STK4: variants seen among roughly 807,000 people sequenced by gnomAD.
The protein encoded by STK4 is serine/threonine-protein kinase 4.
A neutral mutation model predicts 64.9 loss-of-function variants in STK4; 30 were observed. The ratio of observed to expected loss-of-function variants is 0.46; its 90% CI spans 0.35 to 0.63. STK4 has a LOEUF of 0.63. Among genes scored for constraint, STK4 ranks in the 20% least tolerant of loss-of-function variants. The pLI, the probability that STK4 is intolerant of heterozygous loss-of-function variation, is 0.01. For synonymous variants in STK4, 177 were observed against 199.0 expected (o/e 0.89, Z 0.93); for missense variants, 466 against 598.5 (o/e 0.78, Z 2.31).
At chr20:45,035,058 TTA>T (rs1270666312) in intron 10 of STK4, among the ~76,000 whole-genome samples, 1 of 152,122 alleles carries the variant, frequency 6.6e-6, no homozygotes, top group Non-Finnish European at 1.5e-5. Context: ...ATAGTTTACA[TTA>T]TATATGAGTG....
At position 44,978,427 on chromosome 20, in the gene STK4, TCTC is replaced by T. The variant is rs763949443; in HGVS notation, c.117-14_117-12del. 2 of 1,598,968 alleles carry T rather than the reference TCTC, an allele frequency of 1.3e-6. No individual in the cohort carries two copies. The highest frequency in any genetic ancestry group is 4.5e-5 in the East Asian group (2 of 44,652). Reference sequence around the variant, plus strand: ...GCTTTGACTTTATAAATGTTCTTCTTCTCCCAAATGTATAGGTCCTATGGCAGC... The same window carrying T: ...GCTTTGACTTTATAAATGTTCTTCTTCCAAATGTATAGGTCCTATGGCAGC... On this transcript the variant is annotated splice_polypyrimidine_tract_variant and intron_variant, in intron 2 of 10. Coordinates refer to ENST00000372806, the MANE Select transcript of STK4 (RefSeq NM_006282.5).
intron 1 of STK4, among the ~76,000 whole-genome samples, chr20:44,970,362 T>C (rs2067222331): frequency 1.3e-5 from 2 of 152,190 alleles, no homozygotes; most frequent in South Asian, 4.1e-4. Flanking sequence ...GACTTTTGCA[T>C]TTTGTAAACC....
intron 1 of STK4, among the ~76,000 whole-genome samples, chr20:44,971,830 C>T (rs1238229640): frequency 6.6e-6 from 1 of 151,640 alleles, no homozygotes; most frequent in Non-Finnish European, 1.5e-5. Flanking sequence ...GTTACCACGC[C>T]CAGCTAATTT....
At chr20:45,025,816 T>A (rs1180061948) in intron 10 of STK4, among the ~76,000 whole-genome samples, 1 of 152,210 alleles carries the variant, frequency 6.6e-6, no homozygotes, top group Non-Finnish European at 1.5e-5. Flanking sequence ...TGATCCTCCA[T>A]CTGTCATAAT....
intron 2 of STK4, among the ~76,000 whole-genome samples, chr20:44,977,972 GT>G (rs1480235634): frequency 6.6e-6 from 1 of 152,214 alleles, no homozygotes; most frequent in African/African-American, 2.4e-5. Context: ...CGTAAGCTTT[GT>G]TTTCAGACAC....
intron 10 of STK4, among the ~76,000 whole-genome samples, chr20:45,029,410 C>T (rs1349643298): frequency 2.0e-5 from 3 of 152,126 alleles, no homozygotes; most frequent in Non-Finnish European, 4.4e-5. Context: ...TCTATTTGTA[C>T]CTTCAGAATG....
At position 45,079,346 on chromosome 20, in the gene STK4, T is replaced by C. The variant is rs1980751544; in HGVS notation, c.*4170T>C. 1 of 152,252 alleles carries C rather than the reference T, an allele frequency of 6.6e-6. No individual in the cohort carries two copies. Among genetic ancestry groups the C allele is most frequent in the Non-Finnish European group, 1.5e-5 (1 of 68,048 alleles). The allele number at this position is 152,252 out of a possible 1,614,324, so 9.4% of individuals were successfully genotyped here. A position where few individuals can be genotyped will look rare whatever the true frequency, so the allele number is the denominator to read the frequency against. On this transcript the variant is annotated 3_prime_UTR_variant, in exon 11 of 11. Coordinates refer to ENST00000372806, the MANE Select transcript of STK4 (RefSeq NM_006282.5). Reference sequence around the variant, plus strand: ...TGAGGCTCAGAGAAGTAAAGTCTATTGCTCAAGGTCATGTGGCTAGAATAT... The same window carrying C: ...TGAGGCTCAGAGAAGTAAAGTCTATCGCTCAAGGTCATGTGGCTAGAATAT...
intron 9 of STK4, 101 bp downstream of exon 9, chr20:45,001,454 CTTTT>C: frequency 4.4e-6 from 6 of 1,370,546 alleles, no homozygotes; most frequent in Non-Finnish European, 5.8e-6. Context: ...TGGGTTCTTT[CTTTT>C]GTCACAACCA....
At chr20:45,029,439 T>C (rs1221910316) in intron 10 of STK4, among the ~76,000 whole-genome samples, 2 of 152,238 alleles carry the variant, frequency 1.3e-5, no homozygotes, top group Non-Finnish European at 2.9e-5. Flanking sequence ...ATTTACTTAA[T>C]AAAAGTCTCT....
At chr20:44,970,246 G>GA (rs112638314) in intron 1 of STK4, among the ~76,000 whole-genome samples, 8 of 146,896 alleles carry the variant, frequency 5.4e-5, no homozygotes, top group East Asian at 1.9e-4. Flanking sequence ...TAAAAAAAAA[G>GA]AAAAAAAAAG....
chr20:45,063,912 A>G (rs1979326792), intron 10 of STK4, among the ~76,000 whole-genome samples: 1 of 151,986 alleles, frequency 6.6e-6, no homozygotes, highest in South Asian at 2.1e-4. Flanking sequence ...GGTTCACGCC[A>G]TTCTTCTGCC....
At chr20:45,046,613 TCTGTTATCTATTGTC>T (rs987476933) in intron 10 of STK4, among the ~76,000 whole-genome samples, 1 of 152,052 alleles carries the variant, frequency 6.6e-6, no homozygotes, top group Non-Finnish European at 1.5e-5. Context: ...TCTCTTCTAC[TCTGTTATCTATTGTC>T]TAATCAGTAT....
intron 10 of STK4, among the ~76,000 whole-genome samples, chr20:45,071,801 C>A (rs1278958007): frequency 6.6e-6 from 1 of 152,038 alleles, no homozygotes; most frequent in African/African-American, 2.4e-5. Flanking sequence ...CAAGGTCTTG[C>A]TCTGTTGCCC....
intron 10 of STK4, among the ~76,000 whole-genome samples, chr20:45,046,989 T>C (rs1331459966): frequency 1.3e-5 from 2 of 152,192 alleles, no homozygotes; most frequent in African/African-American, 4.8e-5. Flanking sequence ...CTAATTTGCT[T>C]TTCTTACTCC....
At chr20:44,994,206 C>A (rs2067686465) in intron 5 of STK4, among the ~76,000 whole-genome samples, 1 of 150,812 alleles carries the variant, frequency 6.6e-6, no homozygotes, top group Non-Finnish European at 1.5e-5. Context: ...TATAAACCTT[C>A]AGAATGTTAC....
chr20:45,032,736 C>G (rs1346468716), intron 10 of STK4, among the ~76,000 whole-genome samples: 1 of 152,182 alleles, frequency 6.6e-6, no homozygotes, highest in African/African-American at 2.4e-5. Flanking sequence ...GAACACAACA[C>G]ATGCATGTGT....
intron 6 of STK4, among the ~76,000 whole-genome samples, chr20:44,996,032 A>G (rs191398199): frequency 2.6e-5 from 4 of 152,270 alleles, no homozygotes; most frequent in Admixed American, 2.6e-4. Flanking sequence ...TTTTCTTATA[A>G]TAGTGTTAAG....
intron 9 of STK4, among the ~76,000 whole-genome samples, chr20:45,011,725 ATATATTTTTTTT>A (rs1443858099): frequency 5.6e-5 from 6 of 106,960 alleles, no homozygotes; most frequent in East Asian, 4.4e-4. Flanking sequence ...ATATATATAT[ATATATTTTTTTT>A]TTTTTTTTTA....
At chr20:45,056,698 C>T (rs1261809282) in intron 10 of STK4, among the ~76,000 whole-genome samples, 1 of 152,114 alleles carries the variant, frequency 6.6e-6, no homozygotes, top group Non-Finnish European at 1.5e-5. Context: ...CTGTAGCAGT[C>T]TGGGTTCAGA....
Sources: gnomAD v4.1 joint callset for allele counts (sites outside exome capture counted in the v4.1 genomes callset) on GRCh38, gnomAD v4.1.1 for gene constraint, MANE v1.5 for transcripts, NCBI Gene and HGNC (gene_info 2026-07-23, HGNC 2026-07-21) for gene names.